Variants in ZNF664 observed in about 807,000 individuals in gnomAD.
ZNF664 encodes the protein zinc finger protein 664, also known as zinc finger Organ of Corti 1.
ZNF664 carries 10 observed loss-of-function variants against 18.2 expected under a neutral mutation model. The observed-to-expected ratio is 0.55, with a 90% CI of 0.34 to 0.93. ZNF664 has a LOEUF of 0.93. ZNF664 is among the 40% of genes least tolerant of loss of function. The probability of loss-of-function intolerance (pLI) is 0.02; values close to 1 mark genes in which losing one functional copy is unlikely to be tolerated. For missense variants in ZNF664, 193 were observed against 319.0 expected, an observed-to-expected ratio of 0.61 and a Z score of 3.01; for synonymous variants, 119 against 104.2, an observed-to-expected ratio of 1.14 and a Z score of -0.86.
chr12:124,014,636 C>G lies in ZNF664; in HGVS notation c.*1706C>G, dbSNP rs574808185. 1.2e-5 allele frequency: 2 copies of G among 167,190 alleles called. No individual in the cohort carries two copies. The highest frequency in any genetic ancestry group is 3.9e-4 in the East Asian group (2 of 5,190). The allele number at this position is 167,190 out of a possible 1,614,324, so 10.4% of individuals were successfully genotyped here. ...AAATAGGTGATCAGGTTAGTGGTGT[C>G]TGTCAGCTGTCTAAGAGGTTGGAAA... On this transcript the variant is annotated 3_prime_UTR_variant, in exon 5 of 5. Transcript: ENST00000337815.
chr12:123,988,642 ATCT>A (rs1322256744), intron 3 of ZNF664, among the ~76,000 whole-genome samples: 2 of 151,902 alleles, frequency 1.3e-5, no homozygotes, highest in Non-Finnish European at 2.9e-5. Flanking sequence ...GTTCCTGAAA[ATCT>A]TCTTACCTGA....
chr12:123,983,452 A>G (rs1956789569), intron 2 of ZNF664, among the ~76,000 whole-genome samples: 1 of 152,132 alleles, frequency 6.6e-6, no homozygotes, highest in Non-Finnish European at 1.5e-5. Context: ...GAACTCATTT[A>G]TTTTTCATAC....
chr12:124,011,758 A>G lies in ZNF664; in HGVS notation c.-387A>G. 1 of 1,072,586 alleles carries G rather than the reference A, an allele frequency of 9.3e-7. No individual in the cohort carries two copies. The highest frequency in any genetic ancestry group is 1.1e-6 in the Non-Finnish European group (1 of 889,166). The allele number at this position is 1,072,586 out of a possible 1,614,324, so 66.4% of individuals were successfully genotyped here. A position where few individuals can be genotyped will look rare whatever the true frequency, so the allele number is the denominator to read the frequency against. On this transcript the variant is annotated 5_prime_UTR_variant, in exon 5 of 5. Transcript: ENST00000337815. ...GGATATACTGTACAGTCCTTTTTCTAGAAGTGAGACATACAAGATTACTCT... is the reference window on the plus strand; with the variant it reads ...GGATATACTGTACAGTCCTTTTTCTGGAAGTGAGACATACAAGATTACTCT...
At chr12:123,987,726 C>A (rs191484289) in intron 2 of ZNF664, among the ~76,000 whole-genome samples, 71 of 152,238 alleles carry the variant, frequency 4.7e-4, no homozygotes, top group Admixed American at 1.6e-3. Context: ...TTATCTTATA[C>A]CTATGAACCT....
chr12:123,974,758 A>G (rs553679333), intron 2 of ZNF664, among the ~76,000 whole-genome samples: 12 of 152,346 alleles, frequency 7.9e-5, no homozygotes, highest in Admixed American at 2.0e-4. Flanking sequence ...GTAACTTTCA[A>G]TGTTAGCATG....
In ZNF664 at chr12:124,012,646, G is replaced by A; in HGVS notation, c.502G>A (p.Glu168Lys). 6.2e-7 allele frequency: 1 copy of A among 1,614,218 alleles called. No individual in the cohort carries two copies. The highest frequency in any genetic ancestry group is 8.5e-7 in the Non-Finnish European group (1 of 1,180,032). ...LCMHQRVHTG[E>K]KPYKCYECGK... ...CATGCATCAAAGAGTCCACACAGGA[G>A]AGAAACCCTATAAATGTTATGAGTG... The change falls in exon 5 of 5, where the codon GAG becomes AAG. Residue 168 changes from glutamate (E) to lysine (K), a missense_variant. This residue lies in a region of ZNF664 where 61 missense variants were observed against 153.7 expected (regional missense o/e 0.40). Coordinates refer to ENST00000337815, the MANE Select transcript of ZNF664 (RefSeq NM_152437.3).
chr12:124,005,483 A>ATGTGTGTGTGTGTGTGTG (rs202223166), intron 3 of ZNF664, among the ~76,000 whole-genome samples: 6 of 142,812 alleles, frequency 4.2e-5, no homozygotes, highest in African/African-American at 1.3e-4. Context: ...AATTTATAGA[A>ATGTGTGTGTGTGTGTGTG]TGTGTGTGTG....
In ZNF664 at chr12:124,014,744, G is replaced by A. The variant is rs1957172668; in HGVS notation, c.*1814G>A. ...TGAATTAATTTTTTCTGTTTGACTG[G>A]AAGGGGTTTTTGTATAACTAAAACC... is the stretch of plus-strand genomic sequence containing the variant. On this transcript the variant is annotated 3_prime_UTR_variant, in exon 5 of 5. Transcript: ENST00000337815. The A allele has an allele frequency of 6.0e-6, 1 of 166,858 alleles. No homozygotes were observed. Among genetic ancestry groups the A allele is most frequent in the Admixed American group, 6.5e-5 (1 of 15,280 alleles). 10.3% of individuals were successfully genotyped at this position (166,858 alleles called of 1,614,324 possible).
chr12:123,987,160 C>A (rs1477220918), intron 2 of ZNF664, among the ~76,000 whole-genome samples: 2 of 152,198 alleles, frequency 1.3e-5, no homozygotes, highest in African/African-American at 4.8e-5. Flanking sequence ...CCCCAAAGCT[C>A]TGGGGAGCTG....
intron 3 of ZNF664, among the ~76,000 whole-genome samples, chr12:123,993,348 A>C (rs1956910237): frequency 6.6e-6 from 1 of 152,216 alleles, no homozygotes. Flanking sequence ...CTTCAATTTC[A>C]GAACTATTGA....
intron 3 of ZNF664, among the ~76,000 whole-genome samples, chr12:124,000,528 C>G (rs1055746096): frequency 9.2e-5 from 14 of 152,282 alleles, no homozygotes; most frequent in Admixed American, 5.2e-4. Context: ...TCCTTGAAGT[C>G]TAACATGCAG....
In ZNF664 at chr12:124,013,051, A is replaced by AG. The variant is rs769244422; in HGVS notation, c.*123dup. On this transcript the variant is annotated 3_prime_UTR_variant, in exon 5 of 5. Transcript: ENST00000337815. ...AATCCCTAGCAGAACATTGTTTCTGAGGAGGCATATGTGAGATTGATTTGT... is the reference window on the plus strand; with the variant it reads ...AATCCCTAGCAGAACATTGTTTCTGAGGGAGGCATATGTGAGATTGATTTGT... The AG allele has an allele frequency of 1.1e-4, 145 of 1,284,424 alleles. No individual in the cohort carries two copies. The highest frequency in any genetic ancestry group is 7.7e-5 in the Non-Finnish European group (73 of 946,678). The allele number at this position is 1,284,424 out of a possible 1,614,324, so 79.6% of individuals were successfully genotyped here.
At chr12:123,986,171 C>T (rs1356070871) in intron 2 of ZNF664, among the ~76,000 whole-genome samples, 1 of 152,072 alleles carries the variant, frequency 6.6e-6, no homozygotes, top group Non-Finnish European at 1.5e-5. Flanking sequence ...ACTGAGGCAC[C>T]TCCTGGGAAA....
chr12:123,973,872 T>A lies in ZNF664; in HGVS notation c.-891-14T>A. Reference sequence around the variant, plus strand: ...CGGAGGAGCCGGCTGCATGGGGTGCTGTGTGTTTTTCAGGGCGCCCTGCGT... The same window carrying A: ...CGGAGGAGCCGGCTGCATGGGGTGCAGTGTGTTTTTCAGGGCGCCCTGCGT... On this transcript the variant is annotated splice_polypyrimidine_tract_variant and intron_variant, in intron 1 of 4. Coordinates refer to ENST00000337815, the MANE Select transcript of ZNF664 (RefSeq NM_152437.3). The A allele has an allele frequency of 9.6e-7, 1 of 1,044,612 alleles. No homozygotes were observed. Among genetic ancestry groups the A allele is most frequent in the Non-Finnish European group, 1.2e-6 (1 of 826,286 alleles). The allele number at this position is 1,044,612 out of a possible 1,614,324, so 64.7% of individuals were successfully genotyped here.
At chr12:123,989,768 T>C (rs1278233046) in intron 3 of ZNF664, among the ~76,000 whole-genome samples, 2 of 152,210 alleles carry the variant, frequency 1.3e-5, no homozygotes, top group Non-Finnish European at 2.9e-5. Flanking sequence ...CCAGTGCCAG[T>C]CCTACAAGAT....
chr12:123,981,348 G>T (rs1463239555), intron 2 of ZNF664, among the ~76,000 whole-genome samples: 1 of 152,198 alleles, frequency 6.6e-6, no homozygotes, highest in Non-Finnish European at 1.5e-5. Flanking sequence ...GTGTTGAGAG[G>T]TGGGGCCTTT....
In ZNF664 at chr12:124,012,780, G is replaced by A. The variant is rs139061700; in HGVS notation, c.636G>A (p.Ser212=). Residue 212 remains serine, a synonymous_variant, in exon 5 of 5, where the codon TCG becomes TCA. Coordinates refer to ENST00000337815, the MANE Select transcript of ZNF664 (RefSeq NM_152437.3). The part of the protein sequence containing the change: ...CGCGKAFSQS[S]SLCIHQRVHT... ...GTGGGAAGGCCTTCAGTCAGAGTTCGAGCCTGTGCATCCACCAGAGAGTCC... is the reference window on the plus strand; with the variant it reads ...GTGGGAAGGCCTTCAGTCAGAGTTCAAGCCTGTGCATCCACCAGAGAGTCC... The A allele has an allele frequency of 3.1e-3, 5,044 of 1,612,556 alleles. 10 individuals are homozygous for A. The highest frequency in any genetic ancestry group is 0.012 in the Middle Eastern group (71 of 6,050).
rs1957157708 is a variant in ZNF664, at chr12:124,013,544, CTT to C, written c.*615_*616del. 1 of 169,094 alleles carries C rather than the reference CTT, an allele frequency of 5.9e-6. No homozygotes were observed. Among genetic ancestry groups the C allele is most frequent in the African/African-American group, 2.4e-5 (1 of 41,464 alleles). 10.5% of individuals were successfully genotyped at this position (169,094 alleles called of 1,614,324 possible). A position where few individuals can be genotyped will look rare whatever the true frequency, so the allele number is the denominator to read the frequency against. ...TTAGGTGACTCATAATTCCCATTCA[CTT>C]AGCCTATCAGAAAAGTCATTGGCAG... On this transcript the variant is annotated 3_prime_UTR_variant, in exon 5 of 5. Coordinates refer to ENST00000337815, the MANE Select transcript of ZNF664 (RefSeq NM_152437.3).
intron 1 of ZNF664, 111 bp from the exon 2 acceptor site, chr12:123,973,775 T>C: frequency 8.2e-7 from 1 of 1,220,762 alleles, no homozygotes; most frequent in East Asian, 3.2e-5. Flanking sequence ...AGCCGCGTCT[T>C]GGAGCCCTTC....
Sources: gnomAD v4.1 joint callset for allele counts (sites outside exome capture counted in the v4.1 genomes callset) on GRCh38, gnomAD v4.1.1 for gene constraint, gnomAD v4.1.1 regional missense constraint, MANE v1.5 for transcripts, NCBI Gene and HGNC (gene_info 2026-07-23, HGNC 2026-07-21) for gene names.